The following APBB3 variants were observed in gnomAD, a reference collection of about 807,000 sequenced individuals.
APBB3 encodes amyloid-beta A4 precursor protein-binding family B member 3.
A neutral mutation model predicts 61.5 loss-of-function variants in APBB3; 50 were observed. The ratio of observed to expected loss-of-function variants is 0.81; its 90% CI spans 0.65 to 1.03. APBB3 has a LOEUF of 1.03. Among genes scored for constraint, APBB3 ranks in the 50% least tolerant of loss-of-function variants. The pLI, the probability that APBB3 is intolerant of heterozygous loss-of-function variation, is 0.00. For missense variants in APBB3, 550 were observed against 637.4 expected (o/e 0.86, Z 1.48); for synonymous variants, 235 against 233.0 (o/e 1.01, Z -0.08).
chr5:140,562,097 C>T lies in APBB3; in HGVS notation c.626+3G>A, dbSNP rs979022363. 5 of 1,613,782 alleles carry T rather than the reference C, an allele frequency of 3.1e-6. No homozygotes were observed. In the East Asian group the frequency reaches 8.9e-5, roughly 29 times the overall value. ...CTTGCTTGGGGGATGTAGGCATCCTCACCGGCCCTTGGAGCTCCCCACGCC... is the reference window on the plus strand; with the variant it reads ...CTTGCTTGGGGGATGTAGGCATCCTTACCGGCCCTTGGAGCTCCCCACGCC... On this transcript the variant is annotated splice_donor_region_variant and intron_variant, in intron 6 of 12. Transcript: ENST00000357560.
chr5:140,563,425 A>C, intron 3 of APBB3, 169 bp downstream of exon 3: 1 of 723,934 alleles, frequency 1.4e-6, no homozygotes, highest in South Asian at 1.6e-5. Context: ...CAAGGGATAA[A>C]ACTCAAAATA....
chr5:140,564,174 C>A lies in APBB3; in HGVS notation c.49+23G>T. 1.2e-6 allele frequency: 2 copies of A among 1,614,034 alleles called. No homozygotes were observed. Among genetic ancestry groups the A allele is most frequent in the East Asian group, 4.5e-5 (2 of 44,874 alleles). On this transcript the variant is annotated intron_variant, in intron 1 of 12. Transcript: ENST00000357560. The surrounding 1 kb of genome is among the most constrained non-coding windows in gnomAD (Gnocchi z 5.0). ...CGTCCTCCCTCAGCTCCTGGTCTTC[C>A]CACCGGGCCCCTCCGTGCACACCAT...
In APBB3 at chr5:140,564,256, G is replaced by A; in HGVS notation, c.-11C>T. On this transcript the variant is annotated 5_prime_UTR_variant, in exon 1 of 13. Coordinates refer to ENST00000357560, the MANE Select transcript of APBB3 (RefSeq NM_133173.3). This position sits in a 1 kb window ranked among gnomAD's most constrained non-coding sequence, Gnocchi z 5.0. ...ATCCTTGCCCAGCATAACCCCGGCTGCTCCCCGCCAGCCTCTGCCGGCCCG... is the reference window on the plus strand; with the variant it reads ...ATCCTTGCCCAGCATAACCCCGGCTACTCCCCGCCAGCCTCTGCCGGCCCG... The A allele has an allele frequency of 3.7e-6, 6 of 1,608,138 alleles. No homozygotes were observed. The highest frequency in any genetic ancestry group is 5.1e-6 in the Non-Finnish European group (6 of 1,179,922).
intron 6 of APBB3, 49 bp from the exon 7 acceptor site, chr5:140,561,898 C>A: frequency 6.2e-7 from 1 of 1,613,266 alleles, no homozygotes; most frequent in Non-Finnish European, 8.5e-7. Context: ...CCCAGCCTCT[C>A]GGACTCTCCC....
At position 140,562,119 on chromosome 5, in the gene APBB3, C is replaced by A; in HGVS notation, c.607G>T (p.Val203Leu). The change falls in exon 6 of 13, where the codon GTG becomes TTG. Residue 203 changes from valine (V) to leucine (L), a missense_variant. Physicochemically the swap from Val to Leu is conservative, Grantham distance 32. Transcript: ENST00000357560. Reference sequence around the variant, plus strand: ...CCTCACCGGCCCTTGGAGCTCCCCACGCCCCACACACGGATGTGCACCAGA... The same window carrying A: ...CCTCACCGGCCCTTGGAGCTCCCCAAGCCCCACACACGGATGTGCACCAGA... ...QPLVHIRVWG[V>L]GSSKGRDRDF... The A allele has an allele frequency of 6.2e-7, 1 of 1,614,078 alleles. No individual in the cohort carries two copies. Among genetic ancestry groups the A allele is most frequent in the Middle Eastern group, 1.6e-4 (1 of 6,062 alleles).
At chr5:140,563,507 T>G in intron 3 of APBB3, 87 bp downstream of exon 3, 3 of 1,506,094 alleles carry the variant, frequency 2.0e-6, no homozygotes, top group Non-Finnish European at 2.8e-6. Flanking sequence ...ATCCAGAACC[T>G]GGGCTGGAAA....
chr5:140,560,480 GCTC>G lies in APBB3; in HGVS notation c.1054_1056del (p.Glu352del), dbSNP rs779985778. ...AGGCGCACAGGGCACTGCCACAATG[GCTC>G]CTCCTCTGTACTGGCCTCTGCCTGC... is the stretch of plus-strand genomic sequence containing the variant. On this transcript the variant is annotated inframe_deletion, in exon 12 of 13. Coordinates refer to ENST00000357560, the MANE Select transcript of APBB3 (RefSeq NM_133173.3). The surrounding 1 kb of genome is among the most constrained non-coding windows in gnomAD (Gnocchi z 5.1). 1.3e-5 allele frequency: 21 copies of G among 1,613,814 alleles called. No individual in the cohort carries two copies. The highest frequency in any genetic ancestry group is 1.8e-5 in the Non-Finnish European group (21 of 1,179,962).
At position 140,564,483 on chromosome 5, in the gene APBB3, G is replaced by A; in HGVS notation, c.-238C>T. On this transcript the variant is annotated 5_prime_UTR_variant, in exon 1 of 13. Coordinates refer to ENST00000357560, the MANE Select transcript of APBB3 (RefSeq NM_133173.3). This position sits in a 1 kb window ranked among gnomAD's most constrained non-coding sequence, Gnocchi z 5.0. ...AAACGGGCGTCTGGATCCCCGAATG[G>A]TTGCGTGTTTCCGTGTGTGGGTCCG... 3.4e-6 allele frequency: 2 copies of A among 581,280 alleles called. No homozygotes were observed. The highest frequency in any genetic ancestry group is 3.1e-5 in the Admixed American group (1 of 32,370). The allele number at this position is 581,280 out of a possible 1,614,324, so 36.0% of individuals were successfully genotyped here. A position where few individuals can be genotyped will look rare whatever the true frequency, so the allele number is the denominator to read the frequency against.
In APBB3 at chr5:140,558,769, C is replaced by T; in HGVS notation, c.1277G>A (p.Gly426Asp). Residue 426 changes from glycine (G) to aspartate (D), a missense_variant, in exon 13 of 13, where the codon GGT (glycine) becomes GAT (aspartate). Transcript: ENST00000357560. ...VASAARGKAW[G>D]AQARARLRLK... is the part of the protein sequence containing the mutation. ...CCGCAGGCGGGCACGGGCCTGGGCA[C>T]CCCAGGCCTTGCCTCGAGCTGCAGA... The T allele has an allele frequency of 3.1e-6, 5 of 1,610,356 alleles. No homozygotes were observed. The highest frequency in any genetic ancestry group is 3.4e-6 in the Non-Finnish European group (4 of 1,179,080).
Position 140,562,288 on chromosome 5 carries a change from A to T in APBB3, c.499-61T>A, listed in dbSNP as rs1040629907. ...AAGGTCATTGCCATGAGAAATAGGA[A>T]ATTCAGGGACAGCTACCTCTGCTGG... On this transcript the variant is annotated intron_variant, in intron 5 of 12. Coordinates refer to ENST00000357560, the MANE Select transcript of APBB3 (RefSeq NM_133173.3). 4 of 1,611,192 alleles carry T rather than the reference A, an allele frequency of 2.5e-6. No individual in the cohort carries two copies. In the African/African-American group the frequency reaches 5.3e-5, roughly 22 times the overall value.
rs1322174518 is a variant in APBB3 at position 140,564,095 on chromosome 5, C to G, written c.49+102G>C. The G allele has an allele frequency of 6.5e-7, 1 of 1,547,624 alleles. No individual in the cohort carries two copies. The highest frequency in any genetic ancestry group is 1.4e-5 in the African/African-American group (1 of 73,562). On this transcript the variant is annotated intron_variant, in intron 1 of 12. Transcript: ENST00000357560. The surrounding 1 kb of genome is among the most constrained non-coding windows in gnomAD (Gnocchi z 5.0). ...GTTCATTCGCCCCCTGGTCCCTACA[C>G]AGAGAGGTATCCCCCACCGTCTTTG...
intron 7 of APBB3, 36 bp from the exon 8 acceptor site, chr5:140,561,737 G>A (rs1404696008): frequency 6.2e-7 from 1 of 1,613,984 alleles, no homozygotes; most frequent in Non-Finnish European, 8.5e-7. Context: ...GGTAGAAGCT[G>A]GTTAGAGGCA....
Position 140,564,350 on chromosome 5 carries a change from G to GC in APBB3, c.-106dup. 1.4e-6 allele frequency: 2 copies of GC among 1,418,174 alleles called. No individual in the cohort carries two copies. The highest frequency in any genetic ancestry group is 1.9e-6 in the Non-Finnish European group (2 of 1,030,816). 87.8% of individuals were successfully genotyped at this position (1,418,174 alleles called of 1,614,324 possible). The stretch of plus-strand genomic sequence containing the variant: ...GCCCAGCCTCTCTGCGCCGCAGGCT[G>GC]CGGGGCCAGCTGGCGCCGCACAAAT... On this transcript the variant is annotated 5_prime_UTR_variant, in exon 1 of 13. Transcript: ENST00000357560. This position sits in a 1 kb window ranked among gnomAD's most constrained non-coding sequence, Gnocchi z 5.0.
chr5:140,558,521 G>A lies in APBB3; in HGVS notation c.*64C>T, dbSNP rs1221391339. The A allele has an allele frequency of 5.3e-6, 8 of 1,497,828 alleles. No homozygotes were observed. The highest frequency in any genetic ancestry group is 4.7e-6 in the Non-Finnish European group (5 of 1,073,866). 92.8% of individuals were successfully genotyped at this position (1,497,828 alleles called of 1,614,324 possible). A position where few individuals can be genotyped will look rare whatever the true frequency, so the allele number is the denominator to read the frequency against. On this transcript the variant is annotated 3_prime_UTR_variant, in exon 13 of 13. Transcript: ENST00000357560. ...GGAGTGACAGGCTATAGGCCTTGAG[G>A]AATAAAACGGTACAGAGTTAGGCAT... is the stretch of plus-strand genomic sequence containing the variant.
intron 3 of APBB3, 86 bp downstream of exon 3, chr5:140,563,508 G>T: frequency 6.6e-7 from 1 of 1,504,070 alleles, no homozygotes; most frequent in Non-Finnish European, 9.2e-7. Context: ...TCCAGAACCT[G>T]GGCTGGAAAG....
In APBB3 at chr5:140,564,423, C is replaced by T. The variant is rs1755123352; in HGVS notation, c.-178G>A. 1 of 695,254 alleles carries T rather than the reference C, an allele frequency of 1.4e-6. No homozygotes were observed. The highest frequency in any genetic ancestry group is 2.4e-6 in the Non-Finnish European group (1 of 422,782). 43.1% of individuals were successfully genotyped at this position (695,254 alleles called of 1,614,324 possible). ...ACACGGGCCGGTCCCGGGGGAGGGCCTGAGCCGCACAGCCCGCCCAGGGGT... is the reference window on the plus strand; with the variant it reads ...ACACGGGCCGGTCCCGGGGGAGGGCTTGAGCCGCACAGCCCGCCCAGGGGT... On this transcript the variant is annotated 5_prime_UTR_variant, in exon 1 of 13. Transcript: ENST00000357560. This position sits in a 1 kb window ranked among gnomAD's most constrained non-coding sequence, Gnocchi z 5.0.
intron 3 of APBB3, 145 bp downstream of exon 3, chr5:140,563,449 A>G: frequency 1.2e-6 from 1 of 848,744 alleles, no homozygotes; most frequent in East Asian, 2.6e-5. Flanking sequence ...ACAGTTAAGA[A>G]CCTGGGACAG....
Position 140,562,500 on chromosome 5 carries a change from C to T in APBB3, c.352-1G>A. On this transcript the variant is annotated splice_acceptor_variant, in intron 4 of 12. Coordinates refer to ENST00000357560, the MANE Select transcript of APBB3 (RefSeq NM_133173.3). LOFTEE classifies it high-confidence loss of function. The stretch of plus-strand genomic sequence containing the variant: ...AGCCCAGAGAGCGGACTGCAAAGCA[C>T]TGACAGGTTGGGGGAAGGGACAGGA... The T allele has an allele frequency of 6.2e-7, 1 of 1,613,922 alleles. No individual in the cohort carries two copies. Among genetic ancestry groups the T allele is most frequent in the Non-Finnish European group, 8.5e-7 (1 of 1,179,950 alleles).
Position 140,562,400 on chromosome 5 carries a change from C to T in APBB3, c.451G>A (p.Ala151Thr), listed in dbSNP as rs1487098751. Reference protein sequence around the residue: ...IAVNNCIQQLAQTRSRSQPPD... With the variant: ...IAVNNCIQQLTQTRSRSQPPD... Reference sequence around the variant, plus strand: ...GGCTGGCTCCGGCTGCGGGTCTGGGCCAGCTGCTGGATACAGTTATTGACT... The same window carrying T: ...GGCTGGCTCCGGCTGCGGGTCTGGGTCAGCTGCTGGATACAGTTATTGACT... Residue 151 changes from alanine (A) to threonine (T), a missense_variant, in exon 5 of 13, where the codon GCC (alanine) becomes ACC (threonine). Physicochemically the swap from Ala to Thr is moderately conservative, Grantham distance 58. Transcript: ENST00000357560. The T allele has an allele frequency of 6.2e-7, 1 of 1,614,072 alleles. No homozygotes were observed. The highest frequency in any genetic ancestry group is 1.3e-5 in the African/African-American group (1 of 74,940).
Sources: allele counts gnomAD v4.1 joint callset, GRCh38; gene constraint gnomAD v4.1.1; non-coding constraint Gnocchi (gnomAD v3.1); transcripts MANE v1.5; gene names NCBI Gene and HGNC (gene_info 2026-07-23, HGNC 2026-07-21).